The following OGDH variants were observed in gnomAD, a reference collection of about 807,000 sequenced individuals.
OGDH encodes the protein 2-oxoglutarate dehydrogenase complex component E1.
Under a neutral mutation model 116.6 loss-of-function variants are expected in OGDH, and 38 were observed. The ratio of observed to expected loss-of-function variants is 0.33; its 90% CI spans 0.25 to 0.43. The LOEUF is 0.43. Ranked by LOEUF, OGDH falls within the 20% of genes least tolerant of loss-of-function variation. The probability of loss-of-function intolerance (pLI) is 1.00; values close to 1 mark genes in which losing one functional copy is unlikely to be tolerated. For missense variants in OGDH, 825 were observed against 1,357.2 expected (o/e 0.61, Z 6.16); for synonymous variants, 488 against 533.3 (o/e 0.92, Z 1.17).
rs145919273 is a variant in OGDH, at chr7:44,658,735, G to T, written c.518-8001G>T. Among the ~76,000 whole-genome samples the T allele has an allele frequency of 3.5e-3, 529 of 152,172 alleles. 6 individuals are homozygous for T. Among genetic ancestry groups the T allele is most frequent in the Non-Finnish European group, 3.0e-3 (203 of 67,998 alleles). On this transcript the variant is annotated intron_variant, in intron 4 of 22. Transcript: ENST00000222673. ...AAATGCTCTTTATCAAGCTGAGGAAGTTCCTCTGTATTCATATTTTTTCTG... is the reference window on the plus strand; with the variant it reads ...AAATGCTCTTTATCAAGCTGAGGAATTTCCTCTGTATTCATATTTTTTCTG...
In OGDH at chr7:44,708,080, C is replaced by A. The variant is rs564644053; in HGVS notation, c.*81C>A. On this transcript the variant is annotated 3_prime_UTR_variant, in exon 23 of 23. Transcript: ENST00000222673. ...GCTTCTCAACTAAAGAATAGTGCCTCAGCGCTGCCCACACCACCGCCCTCC... is the reference window on the plus strand; with the variant it reads ...GCTTCTCAACTAAAGAATAGTGCCTAAGCGCTGCCCACACCACCGCCCTCC... 1.3e-6 allele frequency: 2 copies of A among 1,530,212 alleles called. No individual in the cohort carries two copies. The highest frequency in any genetic ancestry group is 1.8e-6 in the Non-Finnish European group (2 of 1,136,996). 94.8% of individuals were successfully genotyped at this position (1,530,212 alleles called of 1,614,324 possible). A position where few individuals can be genotyped will look rare whatever the true frequency, so the allele number is the denominator to read the frequency against.
chr7:44,696,179 C>T (rs759994895), intron 13 of OGDH, 52 bp downstream of exon 13: 4 of 1,295,534 alleles, frequency 3.1e-6, no homozygotes, highest in South Asian at 1.2e-5. Flanking sequence ...TCTGATGTAA[C>T]GAGGCATCCT....
At chr7:44,685,894 G>A (rs1246768766) in intron 10 of OGDH, among the ~76,000 whole-genome samples, 3 of 152,122 alleles carry the variant, frequency 2.0e-5, no homozygotes, top group Non-Finnish European at 4.4e-5. Flanking sequence ...AAAGTGCTGG[G>A]ATTACAGGCA....
At chr7:44,612,721 G>A (rs1179401351) in intron 1 of OGDH, among the ~76,000 whole-genome samples, 1 of 150,666 alleles carries the variant, frequency 6.6e-6, no homozygotes, top group African/African-American at 2.4e-5. Flanking sequence ...TTTTGAGGCA[G>A]GGTCTTACTC....
At chr7:44,660,680 G>A (rs999818900) in intron 4 of OGDH, among the ~76,000 whole-genome samples, 1 of 152,104 alleles carries the variant, frequency 6.6e-6, no homozygotes, top group African/African-American at 2.4e-5. Context: ...TATAAACCCA[G>A]GACTTTGAGA....
intron 8 of OGDH, 86 bp downstream of exon 8, chr7:44,675,354 G>A (rs577646512): frequency 2.1e-5 from 23 of 1,099,406 alleles, no homozygotes; most frequent in African/African-American, 7.8e-5. Context: ...AATGACTTAC[G>A]GGGGGTTGGT....
intron 1 of OGDH, among the ~76,000 whole-genome samples, chr7:44,612,880 C>A (rs1319162818): frequency 6.8e-6 from 1 of 148,014 alleles, no homozygotes; most frequent in South Asian, 2.2e-4. Flanking sequence ...CTTTTCTTTT[C>A]TTTTCTTTTC....
At position 44,650,458 on chromosome 7, in the gene OGDH, T is replaced by C. The variant is rs151306093; in HGVS notation, c.517+2699T>C. On this transcript the variant is annotated intron_variant, in intron 4 of 22. Coordinates refer to ENST00000222673, the MANE Select transcript of OGDH (RefSeq NM_002541.4). ...CTCATCTGTAAGGCAGGGGTGATGG[T>C]ACCTACCTCCTCAGGTGGTTTCAAA... Among the ~76,000 whole-genome samples the C allele has an allele frequency of 3.6e-4, 55 of 152,320 alleles. 1 individual carries two copies. Among genetic ancestry groups the C allele is most frequent in the African/African-American group, 1.3e-3 (53 of 41,566 alleles).
chr7:44,614,608 C>G (rs917619837), intron 1 of OGDH, among the ~76,000 whole-genome samples: 1 of 151,908 alleles, frequency 6.6e-6, no homozygotes, highest in Non-Finnish European at 1.5e-5. Flanking sequence ...TTTTCTTTTG[C>G]TTAGTGCATT....
intron 10 of OGDH, among the ~76,000 whole-genome samples, chr7:44,685,652 TC>T (rs1433726355): frequency 6.6e-6 from 1 of 152,072 alleles, no homozygotes; most frequent in African/African-American, 2.4e-5. Context: ...GGGGTCTTGC[TC>T]TGTTGCCCAG....
intron 1 of OGDH, among the ~76,000 whole-genome samples, chr7:44,613,346 G>T (rs542117368): frequency 6.6e-6 from 1 of 151,346 alleles, no homozygotes; most frequent in African/African-American, 2.4e-5. Flanking sequence ...TGGCTGTTTT[G>T]TTTGTTTGTT....
At chr7:44,686,179 C>G (rs571104578) in intron 10 of OGDH, among the ~76,000 whole-genome samples, 1 of 152,160 alleles carries the variant, frequency 6.6e-6, no homozygotes, top group Admixed American at 6.5e-5. Context: ...TGGCTAGGAC[C>G]TCAGCACAGT....
At chr7:44,631,714 T>G (rs748598609) in intron 2 of OGDH, among the ~76,000 whole-genome samples, 18 of 152,182 alleles carry the variant, frequency 1.2e-4, no homozygotes, top group Non-Finnish European at 2.4e-4. Context: ...TTGTGCTGAG[T>G]GGCGGCTGCA....
chr7:44,689,078 C>T (rs749717644), intron 10 of OGDH, among the ~76,000 whole-genome samples: 1 of 151,918 alleles, frequency 6.6e-6, no homozygotes, highest in South Asian at 2.1e-4. Flanking sequence ...AATTCCTTTT[C>T]GGGTATATAC....
chr7:44,666,038 T>C (rs952137651), intron 4 of OGDH, among the ~76,000 whole-genome samples: 1 of 152,152 alleles, frequency 6.6e-6, no homozygotes, highest in Admixed American at 6.5e-5. Context: ...AGTCAGGAGA[T>C]GGGAGGGTTG....
chr7:44,688,326 A>T (rs1296954097), intron 10 of OGDH, among the ~76,000 whole-genome samples: 6 of 151,954 alleles, frequency 3.9e-5, no homozygotes, highest in African/African-American at 1.4e-4. Context: ...AGCCGAGATC[A>T]CGCCATTGCA....
chr7:44,674,836 C>T lies in OGDH; in HGVS notation c.935+279C>T, dbSNP rs373468158. The stretch of plus-strand genomic sequence containing the variant: ...TTTATGAAAATTAAACCCAAGTTCC[C>T]TTGTTGGGGTCTAACCTGGAGGGAA... On this transcript the variant is annotated intron_variant, in intron 7 of 22. Transcript: ENST00000222673. 169 of 537,632 alleles carry T rather than the reference C, an allele frequency of 3.1e-4. 2 individuals are homozygous for T. Among genetic ancestry groups the T allele is most frequent in the South Asian group, 2.7e-3 (126 of 45,922 alleles). 33.3% of individuals were successfully genotyped at this position (537,632 alleles called of 1,614,324 possible). A position where few individuals can be genotyped will look rare whatever the true frequency, so the allele number is the denominator to read the frequency against.
rs187840576 is a variant in OGDH at position 44,644,643 on chromosome 7, A to G, written c.223-684A>G. The stretch of plus-strand genomic sequence containing the variant: ...TCCCTGACACAGAGATCAGATTTGA[A>G]TTTCCATCTCTGACCCCACACTTTG... On this transcript the variant is annotated intron_variant, in intron 2 of 22. Transcript: ENST00000222673. Among the ~76,000 whole-genome samples, 177 of 152,304 alleles carry G rather than the reference A, an allele frequency of 1.2e-3. 1 individual carries two copies. The highest frequency in any genetic ancestry group is 6.8e-3 in the Middle Eastern group (2 of 294).
intron 1 of OGDH, among the ~76,000 whole-genome samples, chr7:44,607,406 C>T (rs1784395887): frequency 6.6e-6 from 1 of 152,156 alleles, no homozygotes; most frequent in African/African-American, 2.4e-5. Flanking sequence ...TGGGTGCGTC[C>T]CACCTGCCAT....
Sources: allele counts gnomAD v4.1 joint callset (sites outside exome capture counted in the v4.1 genomes callset), GRCh38; gene constraint gnomAD v4.1.1; transcripts MANE v1.5; gene names NCBI Gene and HGNC (gene_info 2026-07-23, HGNC 2026-07-21).